Variants in PPFIA3 observed in about 807,000 individuals in gnomAD.
PPFIA3 encodes PPFI scaffold protein A3.
In PPFIA3, 26 loss-of-function variants were observed where a neutral mutation model predicts 145.8. That is an observed-to-expected ratio of 0.18 (90% CI 0.13 to 0.25). The LOEUF (loss-of-function observed/expected upper bound fraction) is 0.25, where lower values mean the gene tolerates loss of function less well. Ranked by LOEUF, PPFIA3 falls within the 10% of genes least tolerant of loss-of-function variation. The probability of loss-of-function intolerance (pLI) is 1.00; values close to 1 mark genes in which losing one functional copy is unlikely to be tolerated. For synonymous variants in PPFIA3, 645 were observed against 661.4 expected (o/e 0.98, Z 0.38); for missense variants, 1,008 against 1,587.8 (o/e 0.63, Z 6.21).
chr19:49,145,704 AC>A, intron 21 of PPFIA3: 5 of 560,276 alleles, frequency 8.9e-6, no homozygotes, highest in South Asian at 8.0e-5. Context: ...ACAGGGCCAC[AC>A]AGCAAAATGC....
At chr19:49,137,246 TC>T (rs557407317) in intron 15 of PPFIA3, 224 of 220,202 alleles carry the variant, frequency 1.0e-3, no homozygotes, top group Non-Finnish European at 1.5e-3. Context: ...GCCCAGAGTC[TC>T]CCACTACCCT....
Position 49,148,812 on chromosome 19 carries a change from G to A in PPFIA3, c.3109+49G>A, listed in dbSNP as rs764980341. The A allele has an allele frequency of 3.2e-6, 5 of 1,571,446 alleles. No individual in the cohort carries two copies. In the South Asian group the frequency reaches 5.6e-5, roughly 17 times the overall value. On this transcript the variant is annotated intron_variant, in intron 25 of 29. Coordinates refer to ENST00000334186, the MANE Select transcript of PPFIA3 (RefSeq NM_003660.4). ...TTGGGAGCCAGGTGGAGGGCGTGGA[G>A]CTGGATGGGGAGGAGAGGGGGTAGG...
intron 24 of PPFIA3, 52 bp downstream of exon 24, chr19:49,148,310 A>G (rs1460388956): frequency 6.4e-7 from 1 of 1,564,406 alleles, no homozygotes; most frequent in African/African-American, 1.4e-5. Flanking sequence ...CCCACCCCAG[A>G]GAGTCTTTGG....
intron 16 of PPFIA3, among the ~76,000 whole-genome samples, chr19:49,139,082 A>T (rs570611373): frequency 6.6e-6 from 1 of 152,216 alleles, no homozygotes; most frequent in Admixed American, 6.6e-5. Context: ...ACTCCCTTAA[A>T]TTCAGCTTTC....
intron 1 of PPFIA3, among the ~76,000 whole-genome samples, chr19:49,124,658 G>T (rs1054038055): frequency 2.0e-5 from 3 of 152,134 alleles, no homozygotes; most frequent in African/African-American, 4.8e-5. Context: ...AACCTTCTAG[G>T]TTCTATGTCC....
intron 7 of PPFIA3, 54 bp from the exon 8 acceptor site, chr19:49,132,947 C>T (rs576733240): frequency 1.3e-6 from 2 of 1,574,558 alleles, no homozygotes; most frequent in East Asian, 2.3e-5. Flanking sequence ...AGGGGGTTCC[C>T]CGTCCTCTCC....
At chr19:49,127,717 G>T in intron 1 of PPFIA3, 142 bp from the exon 2 acceptor site, 1 of 962,410 alleles carries the variant, frequency 1.0e-6, no homozygotes. Flanking sequence ...CATGATCACA[G>T]TGCCTGGGCC....
At chr19:49,137,650 A>AAAAAAAAAAAAAAAAAAAAAAAAAAAC (rs2041156565) in intron 15 of PPFIA3, among the ~76,000 whole-genome samples, 1 of 149,990 alleles carries the variant, frequency 6.7e-6, no homozygotes, top group Non-Finnish European at 1.5e-5. Flanking sequence ...AAAAAAAAAA[A>AAAAAAAAAAAAAAAAAAAAAAAAAAAC]AAAAAAAAGT....
intron 20 of PPFIA3, among the ~76,000 whole-genome samples, chr19:49,142,569 C>T (rs1348637841): frequency 6.9e-6 from 1 of 144,308 alleles, no homozygotes; most frequent in African/African-American, 2.6e-5. Flanking sequence ...CCCTCTCCCT[C>T]TTCCCCCACC....
Position 49,133,451 on chromosome 19 carries a change from G to A in PPFIA3, c.1161+80G>A. On this transcript the variant is annotated intron_variant, in intron 9 of 29. Coordinates refer to ENST00000334186, the MANE Select transcript of PPFIA3 (RefSeq NM_003660.4). The surrounding 1 kb of genome is among the most constrained non-coding windows in gnomAD (Gnocchi z 7.2). The stretch of plus-strand genomic sequence containing the variant: ...GAGGCGGGGCCGTGAATCTGGAGGG[G>A]TAGGAGCGAGGTCAGAACCCCGGAT... The A allele has an allele frequency of 6.9e-7, 1 of 1,448,208 alleles. No individual in the cohort carries two copies. Among genetic ancestry groups the A allele is most frequent in the Non-Finnish European group, 9.1e-7 (1 of 1,096,624 alleles). The allele number at this position is 1,448,208 out of a possible 1,614,324, so 89.7% of individuals were successfully genotyped here.
At chr19:49,146,687 T>G (rs1359289475) in intron 23 of PPFIA3, among the ~76,000 whole-genome samples, 1 of 152,096 alleles carries the variant, frequency 6.6e-6, no homozygotes, top group Non-Finnish European at 1.5e-5. Context: ...TCCAGCACTT[T>G]AGGAGGCTGA....
Position 49,128,193 on chromosome 19 carries a change from C to T in PPFIA3, c.240+80C>T. On this transcript the variant is annotated intron_variant, in intron 2 of 29. Coordinates refer to ENST00000334186, the MANE Select transcript of PPFIA3 (RefSeq NM_003660.4). The surrounding 1 kb of genome is among the most constrained non-coding windows in gnomAD (Gnocchi z 4.1). Reference sequence around the variant, plus strand: ...GCGGTCCGGAAGGGGCCGGGCTTGGCGCCTGGAAGGGAGGAGTCTGGGCGA... The same window carrying T: ...GCGGTCCGGAAGGGGCCGGGCTTGGTGCCTGGAAGGGAGGAGTCTGGGCGA... 1.4e-6 allele frequency: 2 copies of T among 1,468,920 alleles called. No homozygotes were observed. The highest frequency in any genetic ancestry group is 1.3e-5 in the South Asian group (1 of 74,656). The allele number at this position is 1,468,920 out of a possible 1,614,324, so 91.0% of individuals were successfully genotyped here.
In PPFIA3 at chr19:49,135,028, TTTTGTTTTTTG is replaced by T. The variant is rs1210626845; in HGVS notation, c.1520+121_1520+131del. 1.7e-5 allele frequency: 13 copies of T among 781,770 alleles called. No homozygotes were observed. The Admixed American group carries it at 2.1e-4, about 13-fold the overall frequency. 48.4% of individuals were successfully genotyped at this position (781,770 alleles called of 1,614,324 possible). A position where few individuals can be genotyped will look rare whatever the true frequency, so the allele number is the denominator to read the frequency against. Reference sequence around the variant, plus strand: ...CTCCTGAGACTTCTGACCCCTCTGTTTTTGTTTTTTGTTTGTTTGTTTGTTTGTTTTGAGAC... The same window carrying T: ...CTCCTGAGACTTCTGACCCCTCTGTTTTTGTTTGTTTGTTTGTTTTGAGAC... On this transcript the variant is annotated intron_variant, in intron 13 of 29. Transcript: ENST00000334186.
In PPFIA3 at chr19:49,139,837, C is replaced by A; in HGVS notation, c.2240+6C>A. 6.2e-7 allele frequency: 1 copy of A among 1,609,590 alleles called. No homozygotes were observed. The highest frequency in any genetic ancestry group is 1.1e-5 in the South Asian group (1 of 90,670). On this transcript the variant is annotated splice_donor_region_variant and intron_variant, in intron 17 of 29. Coordinates refer to ENST00000334186, the MANE Select transcript of PPFIA3 (RefSeq NM_003660.4). ...GGGGGACCCCCACGGGGAAGGTCAG[C>A]AGGGACAAGGGATAGGGACAGGGAG... is the stretch of plus-strand genomic sequence containing the variant.
rs2041058412 is a variant in PPFIA3, at chr19:49,130,648, A to G, written c.879+49A>G. ...TGCCCTGGGTCCCTCGCCTTTCCGT[A>G]GAGCTCTCCCTCGCGCATTGCTCAT... On this transcript the variant is annotated intron_variant, in intron 7 of 29. Coordinates refer to ENST00000334186, the MANE Select transcript of PPFIA3 (RefSeq NM_003660.4). The surrounding 1 kb of genome is among the most constrained non-coding windows in gnomAD (Gnocchi z 4.5). 6.7e-7 allele frequency: 1 copy of G among 1,488,048 alleles called. No homozygotes were observed. The highest frequency in any genetic ancestry group is 9.1e-7 in the Non-Finnish European group (1 of 1,099,240). The allele number at this position is 1,488,048 out of a possible 1,614,324, so 92.2% of individuals were successfully genotyped here.
chr19:49,133,651 C>A lies in PPFIA3; in HGVS notation c.1162-145C>A, dbSNP rs1050079632. ...AGGTCCTGAAAAAGTGGACTAGGCGCAGGGGCGGGGCCTGACTCAAAGGTG... is the reference window on the plus strand; with the variant it reads ...AGGTCCTGAAAAAGTGGACTAGGCGAAGGGGCGGGGCCTGACTCAAAGGTG... On this transcript the variant is annotated intron_variant, in intron 9 of 29. Coordinates refer to ENST00000334186, the MANE Select transcript of PPFIA3 (RefSeq NM_003660.4). The surrounding 1 kb of genome is among the most constrained non-coding windows in gnomAD (Gnocchi z 7.2). 30 of 954,504 alleles carry A rather than the reference C, an allele frequency of 3.1e-5. No homozygotes were observed. The highest frequency in any genetic ancestry group is 4.9e-5 in the Non-Finnish European group (30 of 609,604). 59.1% of individuals were successfully genotyped at this position (954,504 alleles called of 1,614,324 possible).
intron 7 of PPFIA3, among the ~76,000 whole-genome samples, 183 bp from the exon 8 acceptor site, chr19:49,132,818 C>T (rs2041091370): frequency 6.6e-6 from 1 of 152,124 alleles, no homozygotes; most frequent in South Asian, 2.1e-4. Flanking sequence ...TGTAGCATCA[C>T]CATTTTAACT....
chr19:49,122,303 G>A (rs1600320038), intron 1 of PPFIA3, among the ~76,000 whole-genome samples: 1 of 151,976 alleles, frequency 6.6e-6, no homozygotes, highest in African/African-American at 2.4e-5. Context: ...GACTAGTCTC[G>A]AGTTCCCGAC....
In PPFIA3 at chr19:49,133,488, G is replaced by C; in HGVS notation, c.1161+117G>C. The C allele has an allele frequency of 7.7e-7, 1 of 1,298,040 alleles. No homozygotes were observed. The highest frequency in any genetic ancestry group is 1.5e-5 in the South Asian group (1 of 65,546). 80.4% of individuals were successfully genotyped at this position (1,298,040 alleles called of 1,614,324 possible). ...TCAGAACCCCGGATTTGGGGGAAAG[G>C]GTGGGGCCTAGGGGCTGGGAAAGGG... On this transcript the variant is annotated intron_variant, in intron 9 of 29. Transcript: ENST00000334186. This position sits in a 1 kb window ranked among gnomAD's most constrained non-coding sequence, Gnocchi z 7.2.
Sources: allele counts gnomAD v4.1 joint callset (sites outside exome capture counted in the v4.1 genomes callset), GRCh38; gene constraint gnomAD v4.1.1; non-coding constraint Gnocchi (gnomAD v3.1); transcripts MANE v1.5; gene names NCBI Gene and HGNC (gene_info 2026-07-23, HGNC 2026-07-21).